CSGALNACT1: variants seen among roughly 807,000 people sequenced by gnomAD.
The protein encoded by CSGALNACT1 is chondroitin sulfate N-acetylgalactosaminyltransferase 1.
A neutral mutation model predicts 51.0 loss-of-function variants in CSGALNACT1; 52 were observed. That is an observed-to-expected ratio of 1.02 (90% CI 0.82 to 1.29). The LOEUF (loss-of-function observed/expected upper bound fraction) is 1.29. Ranked by LOEUF, CSGALNACT1 falls within the 50% of genes most tolerant of loss-of-function variation. The pLI is 0.00. For missense variants in CSGALNACT1, 935 were observed against 679.2 expected (o/e 1.38, Z -4.19); for synonymous variants, 341 against 254.4 (o/e 1.34, Z -3.24).
chr8:19,505,247 C>T (rs1198797227), exon 4 of CSGALNACT1: 3 of 1,614,154 alleles, frequency 1.9e-6, no homozygotes, highest in Non-Finnish European at 2.5e-6. Flanking sequence ...TGGGGCTGTT[C>T]TCTGCAGGAC....
intron 3 of CSGALNACT1, among the ~76,000 whole-genome samples, chr8:19,580,217 C>T (rs539148785): frequency 1.3e-5 from 2 of 152,230 alleles, no homozygotes; most frequent in African/African-American, 2.4e-5. Flanking sequence ...CACAAAGATC[C>T]GAGAGAAAAG....
At chr8:19,657,847 T>C (rs2058419121) in intron 1 of CSGALNACT1, among the ~76,000 whole-genome samples, 1 of 152,018 alleles carries the variant, frequency 6.6e-6, no homozygotes, top group Non-Finnish European at 1.5e-5. Flanking sequence ...GGAAAATAAG[T>C]GGAGGGTCCA....
chr8:19,612,009 C>A (rs1310142999), intron 1 of CSGALNACT1, among the ~76,000 whole-genome samples: 1 of 152,052 alleles, frequency 6.6e-6, no homozygotes, highest in Non-Finnish European at 1.5e-5. Context: ...TGCTGGTCCT[C>A]TTTTGAGGAA....
intron 1 of CSGALNACT1, among the ~76,000 whole-genome samples, chr8:19,723,685 A>G (rs1402554773): frequency 2.6e-5 from 4 of 152,178 alleles, no homozygotes; most frequent in African/African-American, 7.2e-5. Context: ...TACTTTTTGG[A>G]AAAAGTGCCT....
intron 3 of CSGALNACT1, among the ~76,000 whole-genome samples, chr8:19,538,440 C>A (rs144373087): frequency 0.017 from 2,634 of 152,066 alleles, 39 homozygotes; most frequent in South Asian, 0.037. Context: ...AGCTAGGAGG[C>A]CAAAGCAATG....
In CSGALNACT1 at chr8:19,666,809, A is replaced by AAGAAAG. The variant is rs1564383214; in HGVS notation, c.-544+15663_-544+15664insCTTTCT. 5.0e-3 allele frequency among the ~76,000 whole-genome samples: 125 copies of AAGAAAG among 25,094 alleles called. 3 individuals are homozygous for AAGAAAG. The highest frequency in any genetic ancestry group is 0.012 in the Admixed American group (24 of 2,052). 16.5% of individuals were successfully genotyped at this position (25,094 alleles called of 152,430 possible). A position where few individuals can be genotyped will look rare whatever the true frequency, so the allele number is the denominator to read the frequency against. Reference sequence around the variant, plus strand: ...AAAGAAAGAAAGAAAGAAAGAAAGAAAGAGAGAGAGAGAGAGAGAGAGAGA... The same window carrying AAGAAAG: ...AAAGAAAGAAAGAAAGAAAGAAAGAAAGAAAGAGAGAGAGAGAGAGAGAGAGAGAGA... On this transcript the variant is annotated intron_variant, in intron 1 of 9. Transcript: ENST00000332246.
chr8:19,556,857 T>C (rs1341443312), intron 3 of CSGALNACT1, among the ~76,000 whole-genome samples: 1 of 151,370 alleles, frequency 6.6e-6, no homozygotes, highest in African/African-American at 2.4e-5. Context: ...AGATGTAAAC[T>C]AAAATTGAAC....
chr8:19,655,810 C>A (rs12543931), intron 1 of CSGALNACT1, among the ~76,000 whole-genome samples: 1 of 151,788 alleles, frequency 6.6e-6, no homozygotes. Context: ...CTCTTCGAGG[C>A]TATGGAACAT....
At chr8:19,662,335 C>G (rs1458767718) in intron 1 of CSGALNACT1, among the ~76,000 whole-genome samples, 1 of 149,966 alleles carries the variant, frequency 6.7e-6, no homozygotes, top group Middle Eastern at 3.2e-3. Context: ...GAGCCGAGAT[C>G]ACACCACTGC....
intron 5 of CSGALNACT1, among the ~76,000 whole-genome samples, chr8:19,454,142 A>C (rs1189378890): frequency 1.3e-5 from 2 of 152,220 alleles, no homozygotes; most frequent in Non-Finnish European, 2.9e-5. Context: ...CATGAATTTT[A>C]AGCCCAGCTA....
intron 1 of CSGALNACT1, among the ~76,000 whole-genome samples, chr8:19,696,369 T>C (rs970440370): frequency 2.0e-5 from 3 of 152,200 alleles, no homozygotes; most frequent in African/African-American, 7.2e-5. Flanking sequence ...TCCAGGGATA[T>C]AAGCATGAAT....
At chr8:19,653,940 C>T (rs1296181521) in intron 1 of CSGALNACT1, among the ~76,000 whole-genome samples, 1 of 152,116 alleles carries the variant, frequency 6.6e-6, no homozygotes, top group Non-Finnish European at 1.5e-5. Flanking sequence ...TCTGACATGC[C>T]TCCATTCCCC....
chr8:19,755,102 A>T (rs1402929487), intron 1 of CSGALNACT1, among the ~76,000 whole-genome samples: 1 of 152,220 alleles, frequency 6.6e-6, no homozygotes, highest in Admixed American at 6.5e-5. Context: ...TGTGTTAGAC[A>T]TGGAGGAAAG....
At chr8:19,459,693 A>G (rs1312183959) in intron 4 of CSGALNACT1, among the ~76,000 whole-genome samples, 1 of 152,168 alleles carries the variant, frequency 6.6e-6, no homozygotes, top group Non-Finnish European at 1.5e-5. Flanking sequence ...TTGAAAAATT[A>G]CTTCATGCTC....
At chr8:19,498,206 C>G (rs531794345) in intron 4 of CSGALNACT1, among the ~76,000 whole-genome samples, 9 of 152,328 alleles carry the variant, frequency 5.9e-5, no homozygotes, top group African/African-American at 2.2e-4. Context: ...GTTACCAGGT[C>G]TTTCAAGCCT....
chr8:19,500,248 G>A (rs1332542701), intron 4 of CSGALNACT1, among the ~76,000 whole-genome samples: 1 of 152,040 alleles, frequency 6.6e-6, no homozygotes, highest in African/African-American at 2.4e-5. Flanking sequence ...GGGGATTCTG[G>A]CTCAGAGTTC....
At chr8:19,544,342 A>G (rs1157518169) in intron 3 of CSGALNACT1, among the ~76,000 whole-genome samples, 1 of 152,216 alleles carries the variant, frequency 6.6e-6, no homozygotes, top group Non-Finnish European at 1.5e-5. Context: ...AAAAATATCT[A>G]TGTAGTTTAA....
At chr8:19,664,494 C>A (rs2059019423) in intron 1 of CSGALNACT1, among the ~76,000 whole-genome samples, 1 of 152,122 alleles carries the variant, frequency 6.6e-6, no homozygotes, top group Non-Finnish European at 1.5e-5. Context: ...GGTATCTACC[C>A]AAAGGAAAAA....
intron 6 of CSGALNACT1, among the ~76,000 whole-genome samples, chr8:19,424,424 C>G (rs2058457190): frequency 1.3e-5 from 2 of 152,156 alleles, no homozygotes; most frequent in South Asian, 2.1e-4. Context: ...TCCAACTCCT[C>G]TCTTGCCATC....
Sources: allele counts gnomAD v4.1 joint callset (sites outside exome capture counted in the v4.1 genomes callset), GRCh38; gene constraint gnomAD v4.1.1; transcripts MANE v1.5; gene names NCBI Gene and HGNC (gene_info 2026-07-23, HGNC 2026-07-21).